The following RAB5C variants were observed in gnomAD, a reference collection of about 807,000 sequenced individuals.
The protein encoded by RAB5C is RAB5C, member RAS oncogene family, also known as ras-related protein Rab-5C.
Under a neutral mutation model 25.2 loss-of-function variants are expected in RAB5C, and 4 were observed. That is an observed-to-expected ratio of 0.16 (90% CI 0.08 to 0.36). RAB5C has a LOEUF of 0.36. Ranked by LOEUF, RAB5C falls within the 10% of genes least tolerant of loss-of-function variation. The pLI is 1.00. For missense variants in RAB5C, 199 were observed against 283.8 expected, an observed-to-expected ratio of 0.70 and a Z score of 2.15; for synonymous variants, 100 against 106.4, an observed-to-expected ratio of 0.94 and a Z score of 0.37.
rs2054473500 is a variant in RAB5C at position 42,130,493 on chromosome 17, G to A, written c.10C>T (p.Arg4Trp). Residue 4 changes from arginine to tryptophan, a missense_variant, in exon 2 of 6, where the codon CGG (arginine) becomes TGG (tryptophan). Physicochemically the swap from Arg to Trp is moderately radical, Grantham distance 101. This residue lies in a region of RAB5C where 21 missense variants were observed against 20.2 expected (regional missense o/e 1.04). Transcript: ENST00000346213. ...CCATTGGGTCGTGCTGCGCCTCCCCGACCCGCCATTGCCCGTCCAGCTGTA... is the reference window on the plus strand; with the variant it reads ...CCATTGGGTCGTGCTGCGCCTCCCCAACCCGCCATTGCCCGTCCAGCTGTA... MAGRGGAARPNGPA... is the reference protein window; with the variant it reads MAGWGGAARPNGPA... The A allele has an allele frequency of 5.6e-6, 9 of 1,613,856 alleles. No homozygotes were observed. The highest frequency in any genetic ancestry group is 4.5e-5 in the East Asian group (2 of 44,890).
chr17:42,125,710 C>A lies in RAB5C; in HGVS notation c.*73G>T, dbSNP rs543304262. ...CAGTGGTGGCCCGAGTCGTTAAGTGCGATTGGTTAGAGTGGATTCCAGTCG... is the reference window on the plus strand; with the variant it reads ...CAGTGGTGGCCCGAGTCGTTAAGTGAGATTGGTTAGAGTGGATTCCAGTCG... On this transcript the variant is annotated 3_prime_UTR_variant, in exon 6 of 6. Transcript: ENST00000346213. The A allele has an allele frequency of 3.2e-4, 351 of 1,101,114 alleles. 4 individuals are homozygous for A. In the South Asian group the frequency reaches 4.6e-3, roughly 14 times the overall value. The allele number at this position is 1,101,114 out of a possible 1,614,324, so 68.2% of individuals were successfully genotyped here. A position where few individuals can be genotyped will look rare whatever the true frequency, so the allele number is the denominator to read the frequency against.
Position 42,128,681 on chromosome 17 carries a change from C to A in RAB5C, c.286G>T (p.Ala96Ser). The change falls in exon 3 of 6, where the codon GCT (alanine) becomes TCT (serine). Residue 96 changes from alanine (A) to serine (S), a missense_variant. Ala to Ser is a moderately conservative substitution (Grantham distance 99). Coordinates refer to ENST00000346213, the MANE Select transcript of RAB5C (RefSeq NM_004583.4). Reference sequence around the variant, plus strand: ...GTGATGTCATAGACCACGATGGCAGCCTGGGCCCCCCGATAGTACATGGGG... The same window carrying A: ...GTGATGTCATAGACCACGATGGCAGACTGGGCCCCCCGATAGTACATGGGG... ...LAPMYYRGAQAAIVVYDITNT... is the reference protein window; with the variant it reads ...LAPMYYRGAQSAIVVYDITNT... The A allele has an allele frequency of 6.6e-7, 1 of 1,508,532 alleles. No individual in the cohort carries two copies. The highest frequency in any genetic ancestry group is 2.3e-5 in the Admixed American group (1 of 43,172). 93.4% of individuals were successfully genotyped at this position (1,508,532 alleles called of 1,614,324 possible).
intron 1 of RAB5C, chr17:42,131,745 C>T: frequency 2.4e-6 from 2 of 841,352 alleles, no homozygotes; most frequent in Non-Finnish European, 3.7e-6. Flanking sequence ...TGGTTAGTGA[C>T]AGCTTCAGAG....
chr17:42,125,240 AGCAG>A lies in RAB5C; in HGVS notation c.*539_*542del, dbSNP rs2054405999. 6.5e-6 allele frequency: 1 copy of A among 153,426 alleles called. No homozygotes were observed. The highest frequency in any genetic ancestry group is 1.5e-5 in the Non-Finnish European group (1 of 68,606). The allele number at this position is 153,426 out of a possible 1,614,324, so 9.5% of individuals were successfully genotyped here. On this transcript the variant is annotated 3_prime_UTR_variant, in exon 6 of 6. Coordinates refer to ENST00000346213, the MANE Select transcript of RAB5C (RefSeq NM_004583.4). Reference sequence around the variant, plus strand: ...TGCTGTGATAATGCTGTGGTTTCCCAGCAGGGAGGTGGGAGCGGGGAGGGGGCTG... The same window carrying A: ...TGCTGTGATAATGCTGTGGTTTCCCAGGAGGTGGGAGCGGGGAGGGGGCTG...
intron 1 of RAB5C, among the ~76,000 whole-genome samples, chr17:42,153,684 G>C (rs567837080): frequency 1.3e-5 from 2 of 152,208 alleles, no homozygotes; most frequent in African/African-American, 4.8e-5. Context: ...GCTACTCCTC[G>C]TTAAGGTACA....
chr17:42,130,395 G>A lies in RAB5C; in HGVS notation c.108C>T (p.Ser36=), dbSNP rs1484614289. 1 of 1,613,980 alleles carries A rather than the reference G, an allele frequency of 6.2e-7. No individual in the cohort carries two copies. Among genetic ancestry groups the A allele is most frequent in the Non-Finnish European group, 8.5e-7 (1 of 1,179,972 alleles). ...LLGESAVGKS[S]LVLRFVKGQF... The stretch of plus-strand genomic sequence containing the variant: ...GTCCCTTGACAAAGCGGAGGACGAG[G>A]CTGGATTTGCCTACCGCAGACTCCC... Residue 36 remains serine (S), a synonymous_variant, in exon 2 of 6, where the codon AGC becomes AGT. Coordinates refer to ENST00000346213, the MANE Select transcript of RAB5C (RefSeq NM_004583.4).
intron 1 of RAB5C, chr17:42,137,906 A>G (rs1452581418): frequency 2.0e-5 from 3 of 152,284 alleles, no homozygotes; most frequent in Non-Finnish European, 4.4e-5. Context: ...AAGACAATCA[A>G]AAAGATGATA....
In RAB5C at chr17:42,132,900, C is replaced by T. The variant is rs377381469; in HGVS notation, c.-88-2310G>A. 1.2e-4 allele frequency among the ~76,000 whole-genome samples: 18 copies of T among 152,294 alleles called. No homozygotes were observed. The East Asian group carries it at 2.7e-3, about 23-fold the overall frequency. ...GTCCTGCTCATGGTCACCCAGCCTA[C>T]AGGTGACAGAACCCCCCAGACCCAC... On this transcript the variant is annotated intron_variant, in intron 1 of 5. Transcript: ENST00000346213.
At chr17:42,150,481 T>A (rs1400854450) in intron 1 of RAB5C, among the ~76,000 whole-genome samples, 1 of 134,342 alleles carries the variant, frequency 7.4e-6, no homozygotes, top group African/African-American at 2.9e-5. Context: ...GAGACAGAGG[T>A]TGCAGTGAGC....
rs1212553454 is a variant in RAB5C, at chr17:42,130,422, C to A, written c.81G>T (p.Leu27=). The change falls in exon 2 of 6, where the codon CTG becomes CTT. Residue 27 remains leucine (L), a synonymous_variant. Transcript: ENST00000346213. Reference sequence around the variant, plus strand: ...TGGATTTGCCTACCGCAGACTCCCCCAGCAGAACCAGCTTAAATTGACAGA... The same window carrying A: ...TGGATTTGCCTACCGCAGACTCCCCAAGCAGAACCAGCTTAAATTGACAGA... ...NKICQFKLVL[L]GESAVGKSSL... is the part of the protein sequence containing the mutation. The A allele has an allele frequency of 1.2e-6, 2 of 1,614,192 alleles. No homozygotes were observed. Among genetic ancestry groups the A allele is most frequent in the East Asian group, 4.5e-5 (2 of 44,878 alleles).
intron 1 of RAB5C, among the ~76,000 whole-genome samples, chr17:42,153,701 G>C (rs190853659): frequency 6.6e-6 from 1 of 152,102 alleles, no homozygotes; most frequent in South Asian, 2.1e-4. Flanking sequence ...TACAGTCTCC[G>C]GCCTGTACTT....
intron 1 of RAB5C, among the ~76,000 whole-genome samples, chr17:42,141,428 C>CAT (rs1244618365): frequency 2.6e-5 from 4 of 152,214 alleles, no homozygotes; most frequent in African/African-American, 9.7e-5. Context: ...AAGCCTGACC[C>CAT]ATAGTAGGTG....
chr17:42,131,737 G>T, intron 1 of RAB5C: 1 of 896,592 alleles, frequency 1.1e-6, no homozygotes, highest in Non-Finnish European at 1.7e-6. Flanking sequence ...GAATCACTTG[G>T]TTAGTGACAG....
intron 1 of RAB5C, among the ~76,000 whole-genome samples, chr17:42,134,461 C>T (rs1345796911): frequency 6.6e-6 from 1 of 152,114 alleles, no homozygotes; most frequent in Non-Finnish European, 1.5e-5. Context: ...CCTGTAATCC[C>T]AGCTACTTGG....
intron 1 of RAB5C, among the ~76,000 whole-genome samples, chr17:42,147,209 T>G (rs1021757277): frequency 6.6e-6 from 1 of 151,838 alleles, no homozygotes; most frequent in African/African-American, 2.4e-5. Context: ...GCAGAGGATA[T>G]CCAAGTACTG....
At chr17:42,144,273 A>G (rs1024476724) in intron 1 of RAB5C, among the ~76,000 whole-genome samples, 15 of 149,662 alleles carry the variant, frequency 1.0e-4, no homozygotes, top group Admixed American at 7.3e-4. Context: ...CCTGGCCAAC[A>G]TGGTGAAACC....
Position 42,130,423 on chromosome 17 carries a change from A to T in RAB5C, c.80T>A (p.Leu27Gln). 1 of 1,614,172 alleles carries T rather than the reference A, an allele frequency of 6.2e-7. No homozygotes were observed. The highest frequency in any genetic ancestry group is 8.5e-7 in the Non-Finnish European group (1 of 1,180,024). Residue 27 changes from leucine to glutamine, a missense_variant, in exon 2 of 6, where the codon CTG becomes CAG. By Grantham distance (113) the Leu-to-Gln change is moderately radical. This residue lies in a region of RAB5C where 24 missense variants were observed against 64.0 expected (regional missense o/e 0.38). Transcript: ENST00000346213. Reference protein sequence around the residue: ...NKICQFKLVLLGESAVGKSSL... With the variant: ...NKICQFKLVLQGESAVGKSSL... ...GGATTTGCCTACCGCAGACTCCCCC[A>T]GCAGAACCAGCTTAAATTGACAGAT...
intron 1 of RAB5C, among the ~76,000 whole-genome samples, chr17:42,144,541 C>T (rs2079620530): frequency 6.6e-6 from 1 of 151,676 alleles, no homozygotes; most frequent in Non-Finnish European, 1.5e-5. Context: ...CAGCTGGGCG[C>T]GGTGGCTCAC....
chr17:42,147,385 A>T (rs1221103311), intron 1 of RAB5C, among the ~76,000 whole-genome samples: 1 of 152,156 alleles, frequency 6.6e-6, no homozygotes, highest in Non-Finnish European at 1.5e-5. Context: ...GGCAGAGTCA[A>T]ATTTGCTTCC....
Sources: allele counts gnomAD v4.1 joint callset (sites outside exome capture counted in the v4.1 genomes callset), GRCh38; gene constraint gnomAD v4.1.1; regional missense constraint gnomAD v4.1.1; transcripts MANE v1.5; gene names NCBI Gene and HGNC (gene_info 2026-07-23, HGNC 2026-07-21).